The following CPSF3 variants were observed in gnomAD, a reference collection of about 807,000 sequenced individuals.
The protein encoded by CPSF3 is cleavage and polyadenylation specificity factor subunit 3.
In CPSF3, 57 loss-of-function variants were observed where a neutral mutation model predicts 84.1. That is an observed-to-expected ratio of 0.68 (90% CI 0.55 to 0.85). The LOEUF is 0.85. Ranked by LOEUF, CPSF3 falls within the 40% of genes least tolerant of loss-of-function variation. The pLI is 0.00. For missense variants in CPSF3, 522 were observed against 838.8 expected, an observed-to-expected ratio of 0.62 and a Z score of 4.66; for synonymous variants, 275 against 278.1, an observed-to-expected ratio of 0.99 and a Z score of 0.11.
At chr2:9,452,260 C>T (rs1335463842) in intron 11 of CPSF3, among the ~76,000 whole-genome samples, 2 of 146,666 alleles carry the variant, frequency 1.4e-5, no homozygotes, top group Non-Finnish European at 3.0e-5. Flanking sequence ...ACCCGGGAGG[C>T]AGAGGTTGCA....
At chr2:9,461,220 T>A (rs1404129941) in intron 15 of CPSF3, among the ~76,000 whole-genome samples, 3 of 152,176 alleles carry the variant, frequency 2.0e-5, no homozygotes, top group Non-Finnish European at 4.4e-5. Flanking sequence ...CCCATGTGCA[T>A]GTAACACAGG....
intron 11 of CPSF3, among the ~76,000 whole-genome samples, chr2:9,450,190 C>T (rs1467277862): frequency 2.0e-5 from 3 of 146,616 alleles, no homozygotes; most frequent in South Asian, 2.2e-4. Flanking sequence ...CTTGCTCTGT[C>T]GCCCAGGCTG....
At position 9,436,232 on chromosome 2, in the gene CPSF3, A is replaced by T. The variant is rs1680776910; in HGVS notation, c.631A>T (p.Ile211Phe). 6.2e-7 allele frequency: 1 copy of T among 1,609,254 alleles called. No homozygotes were observed. Among genetic ancestry groups the T allele is most frequent in the Admixed American group, 1.7e-5 (1 of 58,978 alleles). ...LIIESTYGTH[I>F]HEKREEREAR... ...TTAGGAATCTACTTATGGGACCCAT[A>T]TCCATGAGAAACGTGAAGAGCGAGA... The change falls in exon 7 of 18, where the codon ATC (isoleucine) becomes TTC (phenylalanine). Residue 211 changes from isoleucine (I) to phenylalanine (F), a missense_variant. Transcript: ENST00000238112.
intron 12 of CPSF3, among the ~76,000 whole-genome samples, chr2:9,454,962 T>TA (rs1423907389): frequency 1.3e-5 from 2 of 152,002 alleles, no homozygotes; most frequent in Admixed American, 1.3e-4. Context: ...TCATGATACA[T>TA]ATGTGAAGAG....
intron 7 of CPSF3, among the ~76,000 whole-genome samples, chr2:9,438,326 C>T (rs757858101): frequency 3.3e-5 from 5 of 152,010 alleles, no homozygotes; most frequent in African/African-American, 4.8e-5. Context: ...TCAAAGTCTT[C>T]GTAACCTGTA....
In CPSF3 at chr2:9,433,885, T is replaced by G. The variant is rs767642975; in HGVS notation, c.534T>G (p.Gly178=). ...CTTTTTCACAGCTTTTGTACACTGGTGATTTCTCAAGACAAGAAGATAGGC... is the reference window on the plus strand; with the variant it reads ...CTTTTTCACAGCTTTTGTACACTGGGGATTTCTCAAGACAAGAAGATAGGC... ...EIAGVKLLYT[G]DFSRQEDRHL... is the part of the protein sequence containing the mutation. The change falls in exon 6 of 18, where the codon GGT becomes GGG. Residue 178 remains glycine (G), a synonymous_variant. Coordinates refer to ENST00000238112, the MANE Select transcript of CPSF3 (RefSeq NM_016207.4). 6.2e-7 allele frequency: 1 copy of G among 1,609,928 alleles called. No individual in the cohort carries two copies.
chr2:9,430,433 T>A (rs942356664), intron 3 of CPSF3, among the ~76,000 whole-genome samples: 4 of 152,240 alleles, frequency 2.6e-5, no homozygotes, highest in African/African-American at 9.6e-5. Context: ...CAGGGAGATA[T>A]CCATGTTTCA....
intron 17 of CPSF3, among the ~76,000 whole-genome samples, chr2:9,472,177 G>A (rs1332717624): frequency 2.6e-5 from 4 of 151,710 alleles, no homozygotes; most frequent in Admixed American, 2.0e-4. Flanking sequence ...ACCCAGGCGT[G>A]GTGGTGTGCC....
chr2:9,424,104 G>A, intron 1 of CPSF3: 1 of 1,200,392 alleles, frequency 8.3e-7, no homozygotes, highest in East Asian at 4.3e-5. Context: ...GCTCGCTTTC[G>A]TACACGCTAA....
chr2:9,433,526 G>A (rs927944303), intron 5 of CPSF3, among the ~76,000 whole-genome samples: 6 of 152,218 alleles, frequency 3.9e-5, no homozygotes, highest in East Asian at 1.9e-4. Flanking sequence ...TTTTATCTCC[G>A]GTTTTAGACC....
intron 1 of CPSF3, among the ~76,000 whole-genome samples, chr2:9,427,626 A>G (rs1485182671): frequency 2.0e-5 from 3 of 152,202 alleles, no homozygotes; most frequent in Non-Finnish European, 2.9e-5. Context: ...GTTTGGAGGT[A>G]GGATCTCAGT....
intron 15 of CPSF3, among the ~76,000 whole-genome samples, chr2:9,466,181 C>T (rs57222049): frequency 0.2 from 10,288 of 50,808 alleles, 1,197 homozygotes; most frequent in African/African-American, 0.42. Context: ...TCTCTACACG[C>T]ACACACACAC....
chr2:9,460,986 A>C (rs1681709717), intron 15 of CPSF3, among the ~76,000 whole-genome samples: 1 of 152,148 alleles, frequency 6.6e-6, no homozygotes, highest in South Asian at 2.1e-4. Context: ...ACAGTTAGTT[A>C]GTTCTTTGAT....
Position 9,441,988 on chromosome 2 carries a change from T to A in CPSF3, c.1095+12T>A, listed in dbSNP as rs376963595. The A allele has an allele frequency of 1.1e-5, 17 of 1,613,464 alleles. No homozygotes were observed. In the African/African-American group the frequency reaches 1.5e-4, roughly 14 times the overall value. On this transcript the variant is annotated intron_variant, in intron 9 of 17. Coordinates refer to ENST00000238112, the MANE Select transcript of CPSF3 (RefSeq NM_016207.4). ...GGACACTTGCCAAGGTCAGTTACAG[T>A]CATAGGCTGTTGTGTTATTCCTATT... is the stretch of plus-strand genomic sequence containing the variant.
At chr2:9,426,931 G>C (rs1460421252) in intron 1 of CPSF3, among the ~76,000 whole-genome samples, 1 of 151,358 alleles carries the variant, frequency 6.6e-6, no homozygotes, top group East Asian at 1.9e-4. Context: ...TTTCAGAAAA[G>C]TGATTGGTAA....
At chr2:9,455,425 C>T (rs60284396) in intron 12 of CPSF3, among the ~76,000 whole-genome samples, 10,475 of 152,106 alleles carry the variant, frequency 0.069, 1,240 homozygotes, top group African/African-American at 0.24. Flanking sequence ...TGAGCCACCG[C>T]GCCTGGCCAT....
Position 9,443,576 on chromosome 2 carries a change from T to C in CPSF3, c.1157T>C (p.Met386Thr). ...TMSGQKLPLKMSVDYISFSAH... is the reference protein window; with the variant it reads ...TMSGQKLPLKTSVDYISFSAH... ...TCTGGACAGAAGTTACCACTGAAAA[T>C]GTCTGTTGATTACATTTCTTTCTCA... is the stretch of plus-strand genomic sequence containing the variant. The change falls in exon 10 of 18, where the codon ATG (methionine) becomes ACG (threonine). Residue 386 changes from methionine to threonine, a missense_variant. Physicochemically the swap from Met to Thr is moderately conservative, Grantham distance 81. This residue lies in a region of CPSF3 where 329 missense variants were observed against 607.2 expected (regional missense o/e 0.54). Transcript: ENST00000238112. 1 of 1,614,092 alleles carries C rather than the reference T, an allele frequency of 6.2e-7. No homozygotes were observed. Among genetic ancestry groups the C allele is most frequent in the Non-Finnish European group, 8.5e-7 (1 of 1,179,998 alleles).
chr2:9,469,574 C>T (rs916866015), intron 16 of CPSF3, among the ~76,000 whole-genome samples: 7 of 152,122 alleles, frequency 4.6e-5, no homozygotes, highest in East Asian at 1.9e-4. Context: ...CGGGAGGCTG[C>T]GGCCCTTCCA....
At chr2:9,466,382 GCA>G (rs1491400932) in intron 15 of CPSF3, among the ~76,000 whole-genome samples, 87 of 70,708 alleles carry the variant, frequency 1.2e-3, no homozygotes, top group South Asian at 2.8e-3. Flanking sequence ...CCACGCACTC[GCA>G]CACACGCGCA....
Sources: gnomAD v4.1 joint callset for allele counts (sites outside exome capture counted in the v4.1 genomes callset) on GRCh38, gnomAD v4.1.1 for gene constraint, gnomAD v4.1.1 regional missense constraint, MANE v1.5 for transcripts, NCBI Gene and HGNC (gene_info 2026-07-23, HGNC 2026-07-21) for gene names.